PCDHGA9: variants seen among roughly 807,000 people sequenced by gnomAD.
PCDHGA9 encodes the protein protocadherin gamma subfamily A, 9.
In PCDHGA9, 37 loss-of-function variants were observed where a neutral mutation model predicts 62.5. That is an observed-to-expected ratio of 0.59 (90% CI 0.46 to 0.78). The LOEUF is 0.78. PCDHGA9 is among the 30% of genes least tolerant of loss of function. The pLI is 0.00. For synonymous variants in PCDHGA9, 459 were observed against 484.6 expected (o/e 0.95, Z 0.69); for missense variants, 1,138 against 1,166.2 (o/e 0.98, Z 0.35).
chr5:141,417,028 GTTT>G, intron 1 of PCDHGA9: 2 of 150,056 alleles, frequency 1.3e-5, no homozygotes, highest in East Asian at 3.9e-4. Flanking sequence ...AAAAATACAG[GTTT>G]TTTTTTTAAA....
chr5:141,405,238 C>T lies in PCDHGA9; in HGVS notation c.2286C>T (p.Asp762=). Residue 762 remains aspartate, a synonymous_variant, in exon 1 of 4, where the codon GAC becomes GAT. Transcript: ENST00000573521. ...TYSQEFSLTA[D]SRKSHLIFPQ... Reference sequence around the variant, plus strand: ...CTCAGGAGTTCTCCCTCACCGCTGACTCAAGGAAGAGTCACCTGATCTTCC... The same window carrying T: ...CTCAGGAGTTCTCCCTCACCGCTGATTCAAGGAAGAGTCACCTGATCTTCC... The T allele has an allele frequency of 6.2e-7, 1 of 1,614,168 alleles. No homozygotes were observed. Among genetic ancestry groups the T allele is most frequent in the African/African-American group, 1.3e-5 (1 of 75,024 alleles).
At chr5:141,449,958 A>AT (rs962794399) in intron 1 of PCDHGA9, among the ~76,000 whole-genome samples, 8 of 148,830 alleles carry the variant, frequency 5.4e-5, no homozygotes, top group African/African-American at 2.0e-4. Context: ...CCTCATAGTA[A>AT]TTTTTTTTAG....
At chr5:141,413,687 T>A (rs1470256826) in intron 1 of PCDHGA9, 5 of 1,613,666 alleles carry the variant, frequency 3.1e-6, no homozygotes, top group Non-Finnish European at 3.4e-6. Flanking sequence ...GTGAACTCCC[T>A]GCAGAGCTAT....
intron 2 of PCDHGA9, among the ~76,000 whole-genome samples, chr5:141,503,292 A>T (rs7710319): frequency 0.52 from 78,681 of 151,966 alleles, 21,044 homozygotes; most frequent in African/African-American, 0.62. Flanking sequence ...TGGTACATAG[A>T]AATTGCTCAA....
chr5:141,453,052 G>A (rs1299518260), intron 1 of PCDHGA9, among the ~76,000 whole-genome samples: 2 of 152,062 alleles, frequency 1.3e-5, no homozygotes, highest in East Asian at 3.9e-4. Flanking sequence ...ATTATGTGCA[G>A]TTTTAGAGTT....
At chr5:141,498,793 T>C (rs2154592354) in intron 2 of PCDHGA9, among the ~76,000 whole-genome samples, 1 of 152,028 alleles carries the variant, frequency 6.6e-6, no homozygotes, top group Non-Finnish European at 1.5e-5. Context: ...ATTAGCCAGG[T>C]GTGGTGGTGC....
At chr5:141,467,597 A>T (rs2099147099) in intron 1 of PCDHGA9, among the ~76,000 whole-genome samples, 1 of 152,136 alleles carries the variant, frequency 6.6e-6, no homozygotes, top group Non-Finnish European at 1.5e-5. Flanking sequence ...TTTATTAAGC[A>T]CTTCATCTTT....
intron 1 of PCDHGA9, among the ~76,000 whole-genome samples, chr5:141,470,142 A>G (rs1308458765): frequency 6.6e-6 from 1 of 152,044 alleles, no homozygotes; most frequent in Non-Finnish European, 1.5e-5. Context: ...AAAAAAGATC[A>G]TAGATCATCT....
chr5:141,438,392 A>C (rs2097958012), intron 1 of PCDHGA9, among the ~76,000 whole-genome samples: 1 of 151,714 alleles, frequency 6.6e-6, no homozygotes, highest in African/African-American at 2.4e-5. Context: ...TTAGTTCATC[A>C]TTAACTCTCT....
In PCDHGA9 at chr5:141,487,494, C is replaced by T. The variant is rs116370895; in HGVS notation, c.2425-7313C>T. 12 of 1,614,120 alleles carry T rather than the reference C, an allele frequency of 7.4e-6. No individual in the cohort carries two copies. The East Asian group carries it at 1.1e-4, about 15-fold the overall frequency. On this transcript the variant is annotated intron_variant, in intron 1 of 3. Transcript: ENST00000573521. The surrounding 1 kb of genome is among the most constrained non-coding windows in gnomAD (Gnocchi z 5.0). Reference sequence around the variant, plus strand: ...GGAGGCCACTCTCATGGCTGTACACCCTTGGCTTCTGCACCCACTCGGAGT... The same window carrying T: ...GGAGGCCACTCTCATGGCTGTACACTCTTGGCTTCTGCACCCACTCGGAGT...
At chr5:141,494,755 C>T (rs1246224213) in intron 1 of PCDHGA9, 52 bp from the exon 2 acceptor site, 18 of 1,613,724 alleles carry the variant, frequency 1.1e-5, no homozygotes, top group African/African-American at 1.3e-5. Context: ...GCTCGGGTGA[C>T]ATTCTAACTT....
Position 141,432,038 on chromosome 5 carries a change from C to G in PCDHGA9, c.2424+26662C>G, listed in dbSNP as rs202246871. ...CAACATCACAGTGACCGCCACTGAC[C>G]GGGGAACCCCGCCCCTATCCACGGA... On this transcript the variant is annotated intron_variant, in intron 1 of 3. Transcript: ENST00000573521. This position sits in a 1 kb window ranked among gnomAD's most constrained non-coding sequence, Gnocchi z 6.0. 2 of 1,614,190 alleles carry G rather than the reference C, an allele frequency of 1.2e-6. No homozygotes were observed. The highest frequency in any genetic ancestry group is 8.5e-7 in the Non-Finnish European group (1 of 1,180,032).
chr5:141,419,759 G>A (rs1179602962), intron 1 of PCDHGA9: 2 of 1,614,004 alleles, frequency 1.2e-6, no homozygotes, highest in Admixed American at 3.3e-5. Context: ...TGCTTTGGGT[G>A]ACAAGGACTC....
In PCDHGA9 at chr5:141,477,176, G is replaced by C. The variant is rs766547728; in HGVS notation, c.2425-17631G>C. On this transcript the variant is annotated intron_variant, in intron 1 of 3. Coordinates refer to ENST00000573521, the MANE Select transcript of PCDHGA9 (RefSeq NM_018921.3). This position sits in a 1 kb window ranked among gnomAD's most constrained non-coding sequence, Gnocchi z 4.9. ...GAATGACAACGCCCCGGAGATCACAGTCACCTCCGTGTACAGCCCAGTACC... is the reference window on the plus strand; with the variant it reads ...GAATGACAACGCCCCGGAGATCACACTCACCTCCGTGTACAGCCCAGTACC... The C allele has an allele frequency of 1.2e-6, 2 of 1,614,206 alleles. No individual in the cohort carries two copies. The highest frequency in any genetic ancestry group is 3.3e-5 in the Admixed American group (2 of 60,024).
rs1258238617 is a variant in PCDHGA9, at chr5:141,409,461, T to A, written c.2424+4085T>A. On this transcript the variant is annotated intron_variant, in intron 1 of 3. Coordinates refer to ENST00000573521, the MANE Select transcript of PCDHGA9 (RefSeq NM_018921.3). ...CGAGAGCAGACACCAGAATACAATG[T>A]CACCATCGTAGCCACTGACAGGGGC... The A allele has an allele frequency of 5.0e-6, 8 of 1,613,928 alleles. No homozygotes were observed. In the Admixed American group the frequency reaches 1.3e-4, roughly 27 times the overall value.
Position 141,485,395 on chromosome 5 carries a change from C to T in PCDHGA9, c.2425-9412C>T. On this transcript the variant is annotated intron_variant, in intron 1 of 3. Coordinates refer to ENST00000573521, the MANE Select transcript of PCDHGA9 (RefSeq NM_018921.3). The surrounding 1 kb of genome is among the most constrained non-coding windows in gnomAD (Gnocchi z 5.7). Reference sequence around the variant, plus strand: ...TCGCTGGAGAGGTGAACCAAAGACACTTCCGTGTGGATTTGGACAGCGGAG... The same window carrying T: ...TCGCTGGAGAGGTGAACCAAAGACATTTCCGTGTGGATTTGGACAGCGGAG... 5 of 1,614,154 alleles carry T rather than the reference C, an allele frequency of 3.1e-6. No homozygotes were observed. Among genetic ancestry groups the T allele is most frequent in the Non-Finnish European group, 3.4e-6 (4 of 1,180,026 alleles).
chr5:141,431,408 G>T lies in PCDHGA9; in HGVS notation c.2424+26032G>T, dbSNP rs1270461546. On this transcript the variant is annotated intron_variant, in intron 1 of 3. Coordinates refer to ENST00000573521, the MANE Select transcript of PCDHGA9 (RefSeq NM_018921.3). The surrounding 1 kb of genome is among the most constrained non-coding windows in gnomAD (Gnocchi z 4.8). ...CCACCTGGTCCTTACGGCCTCCGAC[G>T]GGGGCGACCCGGTGCGCACAGGCAC... 4 of 1,613,600 alleles carry T rather than the reference G, an allele frequency of 2.5e-6. No individual in the cohort carries two copies. Among genetic ancestry groups the T allele is most frequent in the Non-Finnish European group, 3.4e-6 (4 of 1,180,038 alleles).
At chr5:141,418,874 G>A (rs2096295785) in intron 1 of PCDHGA9, 1 of 1,614,024 alleles carries the variant, frequency 6.2e-7, no homozygotes, top group East Asian at 2.2e-5. Context: ...AGAAGTTGTA[G>A]ACGAAAACGA....
chr5:141,493,679 G>C lies in PCDHGA9; in HGVS notation c.2425-1128G>C. On this transcript the variant is annotated intron_variant, in intron 1 of 3. Transcript: ENST00000573521. This position sits in a 1 kb window ranked among gnomAD's most constrained non-coding sequence, Gnocchi z 4.3. ...CCTTCTCCATGGCAGCCCCAGAATG[G>C]TGCTGGTGACTCCCGATACACCTGG... Among the ~76,000 whole-genome samples the C allele has an allele frequency of 6.6e-6, 1 of 152,198 alleles. No individual in the cohort carries two copies. Among genetic ancestry groups the C allele is most frequent in the African/African-American group, 2.4e-5 (1 of 41,446 alleles).
Sources: allele counts gnomAD v4.1 joint callset (sites outside exome capture counted in the v4.1 genomes callset), GRCh38; gene constraint gnomAD v4.1.1; non-coding constraint Gnocchi (gnomAD v3.1); transcripts MANE v1.5; gene names NCBI Gene and HGNC (gene_info 2026-07-23, HGNC 2026-07-21).